ANK3: variants seen among roughly 807,000 people sequenced by gnomAD.
ANK3 encodes ankyrin-3.
A neutral mutation model predicts 370.9 loss-of-function variants in ANK3; 57 were observed. The observed-to-expected ratio is 0.15, with a 90% confidence interval of 0.12 to 0.19. The LOEUF (loss-of-function observed/expected upper bound fraction) is 0.19, where lower values mean the gene tolerates loss of function less well. ANK3 is among the 10% of genes least tolerant of loss of function. The pLI is 1.00. For synonymous variants in ANK3, 1,929 were observed against 1,946.3 expected (o/e 0.99, Z 0.23); for missense variants, 4,439 against 5,302.1 (o/e 0.84, Z 5.06).
chr10:60,680,303 C>T lies in ANK3; in HGVS notation c.57+52960G>A, dbSNP rs147240128. ...AGACCCATACAGATTCACTGCTGCT[C>T]GCACCACAGTAATGGGTATGCCTTG... is the stretch of plus-strand genomic sequence containing the variant. On this transcript the variant is annotated intron_variant, in intron 1 of 43. Coordinates refer to the ANK3 transcript ENST00000373827. 2.3e-3 allele frequency among the ~76,000 whole-genome samples: 350 copies of T among 152,304 alleles called. 1 individual carries two copies. Among genetic ancestry groups the T allele is most frequent in the African/African-American group, 4.7e-3 (194 of 41,558 alleles).
chr10:60,307,967 G>A (rs1409236630), intron 1 of ANK3, among the ~76,000 whole-genome samples: 1 of 152,152 alleles, frequency 6.6e-6, no homozygotes, highest in Non-Finnish European at 1.5e-5. Flanking sequence ...TCACTGATGT[G>A]ACTCCTGAAA....
intron 23 of ANK3, chr10:60,140,883 A>G: frequency 2.0e-6 from 2 of 986,446 alleles, no homozygotes; most frequent in Non-Finnish European, 2.4e-6. Context: ...TTTAATTAGG[A>G]GGTGATTCTT....
At chr10:60,413,988 C>T (rs1263250666) in intron 2 of ANK3, among the ~76,000 whole-genome samples, 1 of 152,050 alleles carries the variant, frequency 6.6e-6, no homozygotes, top group African/African-American at 2.4e-5. Flanking sequence ...CAGAGTGAGA[C>T]CCTATCTCAA....
At chr10:60,287,558 G>GTAT (rs1388705676) in intron 1 of ANK3, among the ~76,000 whole-genome samples, 4 of 152,314 alleles carry the variant, frequency 2.6e-5, no homozygotes, top group South Asian at 4.1e-4. Flanking sequence ...CATTTTACAT[G>GTAT]TATTATTATT....
intron 1 of ANK3, among the ~76,000 whole-genome samples, chr10:60,381,133 G>A (rs957275922): frequency 6.6e-6 from 1 of 152,092 alleles, no homozygotes; most frequent in African/African-American, 2.4e-5. Context: ...ATCTTATCTT[G>A]TATAAGTAAT....
chr10:60,532,677 C>T (rs2076634049), intron 2 of ANK3, among the ~76,000 whole-genome samples: 1 of 152,088 alleles, frequency 6.6e-6, no homozygotes, highest in African/African-American at 2.4e-5. Context: ...ATGATGATCT[C>T]TTGGTTCCAG....
intron 1 of ANK3, among the ~76,000 whole-genome samples, chr10:60,696,591 G>C (rs1179309140): frequency 6.7e-6 from 1 of 148,990 alleles, no homozygotes; most frequent in Non-Finnish European, 1.5e-5. Flanking sequence ...TGCAAGGCTG[G>C]TTCAATATAC....
rs565745377 is a variant in ANK3 at position 60,695,524 on chromosome 10, A to G, written c.57+37739T>C. Among the ~76,000 whole-genome samples the G allele has an allele frequency of 3.6e-4, 55 of 152,324 alleles. 1 individual carries two copies. The South Asian group carries it at 6.4e-3, about 18-fold the overall frequency. ...AAGTAAAGCCCTCCTCAGCAAATGT[A>G]AAAGAACAGAAATTATAACAAACTG... On this transcript the variant is annotated intron_variant, in intron 1 of 43. Transcript: ENST00000373827.
intron 42 of ANK3, among the ~76,000 whole-genome samples, chr10:60,050,385 G>A (rs956399665): frequency 1.3e-5 from 2 of 152,160 alleles, no homozygotes; most frequent in African/African-American, 2.4e-5. Context: ...AACTGTATTA[G>A]GGCAGATTTG....
intron 17 of ANK3, among the ~76,000 whole-genome samples, chr10:60,184,021 C>T (rs896976259): frequency 1.3e-5 from 2 of 152,032 alleles, no homozygotes; most frequent in Non-Finnish European, 2.9e-5. Flanking sequence ...TGAATCAAAT[C>T]GAACACTAGC....
chr10:60,602,500 C>T (rs1298177160), intron 2 of ANK3, among the ~76,000 whole-genome samples: 1 of 152,084 alleles, frequency 6.6e-6, no homozygotes, highest in South Asian at 2.1e-4. Context: ...AGGATACCAA[C>T]CCTAGAGACC....
chr10:60,482,300 G>C (rs958805793), intron 2 of ANK3, among the ~76,000 whole-genome samples: 14 of 152,122 alleles, frequency 9.2e-5, no homozygotes, highest in African/African-American at 3.4e-4. Flanking sequence ...CTGGTGTCCA[G>C]AGAAATTAAG....
At chr10:60,429,867 C>A (rs935189689) in intron 2 of ANK3, among the ~76,000 whole-genome samples, 3 of 152,136 alleles carry the variant, frequency 2.0e-5, no homozygotes, top group Non-Finnish European at 4.4e-5. Flanking sequence ...CACTTTGAAT[C>A]TCATATTTTA....
At chr10:60,590,787 A>G (rs2077898507) in intron 2 of ANK3, among the ~76,000 whole-genome samples, 1 of 152,358 alleles carries the variant, frequency 6.6e-6, no homozygotes, top group East Asian at 1.9e-4. Flanking sequence ...GACTACTTTT[A>G]TAATACCTAA....
chr10:60,165,459 T>C (rs1378790313), intron 23 of ANK3, among the ~76,000 whole-genome samples: 1 of 152,176 alleles, frequency 6.6e-6, no homozygotes, highest in Admixed American at 6.5e-5. Context: ...CAAAACAGCA[T>C]TTACAAACAT....
intron 1 of ANK3, among the ~76,000 whole-genome samples, chr10:60,339,242 G>A (rs1214461395): frequency 6.6e-6 from 1 of 152,168 alleles, no homozygotes; most frequent in Admixed American, 6.5e-5. Flanking sequence ...TCTACTCAGA[G>A]GCCAATCATA....
At chr10:60,282,116 A>C (rs996943623) in intron 1 of ANK3, among the ~76,000 whole-genome samples, 14 of 152,146 alleles carry the variant, frequency 9.2e-5, no homozygotes, top group African/African-American at 3.1e-4. Context: ...TTATCAGTGA[A>C]TTTGCCCAGA....
intron 2 of ANK3, among the ~76,000 whole-genome samples, chr10:60,567,028 G>GTC (rs1156452716): frequency 6.6e-6 from 1 of 152,194 alleles, no homozygotes; most frequent in Non-Finnish European, 1.5e-5. Context: ...GAAAGAAGCT[G>GTC]TCTTCATAAC....
At chr10:60,611,187 T>G (rs761059590) in intron 2 of ANK3, among the ~76,000 whole-genome samples, 1 of 152,188 alleles carries the variant, frequency 6.6e-6, no homozygotes, top group Non-Finnish European at 1.5e-5. Context: ...CAAATACATC[T>G]TCCTCAAACA....
Sources: allele counts gnomAD v4.1 joint callset (sites outside exome capture counted in the v4.1 genomes callset), GRCh38; gene constraint gnomAD v4.1.1; transcripts MANE v1.5; gene names NCBI Gene and HGNC (gene_info 2026-07-23, HGNC 2026-07-21).